Variants in QPCT observed in about 807,000 individuals in gnomAD.
QPCT encodes the protein EC.
A neutral mutation model predicts 43.4 loss-of-function variants in QPCT; 44 were observed. The observed-to-expected ratio is 1.01, with a 90% CI of 0.80 to 1.30. The LOEUF (loss-of-function observed/expected upper bound fraction) is 1.30. QPCT is among the 50% of genes most tolerant of loss of function. The pLI, the probability that QPCT is intolerant of heterozygous loss-of-function variation, is 0.00. For synonymous variants in QPCT, 168 were observed against 168.4 expected, an observed-to-expected ratio of 1.00 and a Z score of 0.02; for missense variants, 526 against 436.5, an observed-to-expected ratio of 1.21 and a Z score of -1.83.
intron 4 of QPCT, chr2:37,368,540 G>C: frequency 2.1e-6 from 1 of 469,120 alleles, no homozygotes; most frequent in Admixed American, 2.4e-5. Context: ...ACTGACCTTC[G>C]CCCTATAAAA....
chr2:37,370,817 C>T (rs541788021), intron 5 of QPCT, among the ~76,000 whole-genome samples: 3 of 152,160 alleles, frequency 2.0e-5, no homozygotes, highest in Admixed American at 6.5e-5. Context: ...CTACCCAAAA[C>T]AAAACAAAAC....
At chr2:37,347,449 G>T (rs768777262) in intron 1 of QPCT, among the ~76,000 whole-genome samples, 1 of 151,092 alleles carries the variant, frequency 6.6e-6, no homozygotes, top group Admixed American at 6.6e-5. Context: ...TGATGTACCC[G>T]GAACAGTGCC....
chr2:37,368,676 T>C (rs760271134), intron 4 of QPCT: 13 of 471,058 alleles, frequency 2.8e-5, no homozygotes, highest in Non-Finnish European at 5.3e-5. Context: ...ATATCATTCA[T>C]TCACTTGTGC....
intron 1 of QPCT, among the ~76,000 whole-genome samples, chr2:37,350,630 G>A (rs1672599850): frequency 6.6e-6 from 1 of 152,238 alleles, no homozygotes; most frequent in African/African-American, 2.4e-5. Context: ...CCAGACAGCG[G>A]ATCTTTTTGT....
At chr2:37,359,900 TAACAGTAACTCAGAGTGA>T in intron 3 of QPCT, 42 bp downstream of exon 3, 1 of 1,574,570 alleles carries the variant, frequency 6.4e-7, no homozygotes, top group Non-Finnish European at 8.7e-7. Context: ...TAAAGTACAT[TAACAGTAACTCAGAGTGA>T]ATTCTAGAAT....
chr2:37,365,864 C>T (rs1241010005), intron 3 of QPCT, among the ~76,000 whole-genome samples: 3 of 152,310 alleles, frequency 2.0e-5, no homozygotes, highest in South Asian at 2.1e-4. Context: ...ATACAAATGA[C>T]TTGCCAGTCA....
In QPCT at chr2:37,372,784, A is replaced by C; in HGVS notation, c.1043A>C (p.Asn348Thr). Residue 348 changes from asparagine (N) to threonine (T), a missense_variant, in exon 7 of 7, where the codon AAC becomes ACC. By Grantham distance (65) the Asn-to-Thr change is moderately conservative. Transcript: ENST00000338415. Reference protein sequence around the residue: ...NLDESTIDNLNKILQVFVLEY... With the variant: ...NLDESTIDNLTKILQVFVLEY... ...GATGAATCAACCATTGACAATCTAA[A>C]CAAAATCCTACAAGTCTTTGTGTTG... The C allele has an allele frequency of 6.2e-7, 1 of 1,612,838 alleles. No homozygotes were observed. The highest frequency in any genetic ancestry group is 8.5e-7 in the Non-Finnish European group (1 of 1,179,006).
At position 37,367,251 on chromosome 2, in the gene QPCT, C is replaced by G; in HGVS notation, c.566C>G (p.Pro189Arg). 1 of 1,613,646 alleles carries G rather than the reference C, an allele frequency of 6.2e-7. No homozygotes were observed. ...LSLKTVSDSK[P>R]DLSLQLIFFD... The stretch of plus-strand genomic sequence containing the variant: ...TACCAGACTGTTTCAGACTCCAAGC[C>G]AGATTTGTCACTCCAGCTGATCTTC... Residue 189 changes from proline to arginine, a missense_variant, in exon 4 of 7, where the codon CCA becomes CGA. By Grantham distance (103) the Pro-to-Arg change is moderately radical (BLOSUM62 -2). Coordinates refer to ENST00000338415, the MANE Select transcript of QPCT (RefSeq NM_012413.4).
At chr2:37,367,618 T>C (rs1672987654) in intron 4 of QPCT, among the ~76,000 whole-genome samples, 1 of 152,156 alleles carries the variant, frequency 6.6e-6, no homozygotes, top group Admixed American at 6.5e-5. Context: ...ATACCTGTAA[T>C]CCCAGCATTT....
intron 2 of QPCT, among the ~76,000 whole-genome samples, chr2:37,355,069 C>G (rs1338661876): frequency 6.6e-6 from 1 of 152,172 alleles, no homozygotes; most frequent in Non-Finnish European, 1.5e-5. Context: ...ACATTCTCCA[C>G]TATCATATGG....
At chr2:37,357,888 A>C (rs1189565891) in intron 2 of QPCT, among the ~76,000 whole-genome samples, 1 of 152,132 alleles carries the variant, frequency 6.6e-6, no homozygotes, top group Admixed American at 6.5e-5. Context: ...AGGAGGAAAA[A>C]AAAAATAAAA....
At position 37,347,144 on chromosome 2, in the gene QPCT, T is replaced by TTTTATATATA. The variant is rs1389307350; in HGVS notation, c.120+2294_120+2295insTTATATATAT. Among the ~76,000 whole-genome samples the TTTTATATATA allele has an allele frequency of 4.0e-4, 22 of 55,312 alleles. 2 individuals are homozygous for TTTTATATATA. The East Asian group carries it at 0.012, about 30-fold the overall frequency. The allele number at this position is 55,312 out of a possible 152,430, so 36.3% of individuals were successfully genotyped here. A position where few individuals can be genotyped will look rare whatever the true frequency, so the allele number is the denominator to read the frequency against. On this transcript the variant is annotated intron_variant, in intron 1 of 6. Transcript: ENST00000338415. ...CATTGGCATCTGGGTATGGGGTGTTTTATATATATATATATATATAACATA... is the reference window on the plus strand; with the variant it reads ...CATTGGCATCTGGGTATGGGGTGTTTTTTATATATATATATATATATATATATATAACATA...
intron 2 of QPCT, among the ~76,000 whole-genome samples, chr2:37,356,108 G>C (rs1048868336): frequency 3.9e-5 from 6 of 152,142 alleles, no homozygotes; most frequent in African/African-American, 1.2e-4. Context: ...GTCTACTGAT[G>C]TCATTGTTTC....
At chr2:37,344,924 C>G in intron 1 of QPCT, 73 bp downstream of exon 1, 3 of 1,462,896 alleles carry the variant, frequency 2.1e-6, no homozygotes, top group Non-Finnish European at 1.8e-6. Flanking sequence ...CCGGGTCAGC[C>G]CTACCTAGGC....
chr2:37,347,654 T>A (rs953981494), intron 1 of QPCT, among the ~76,000 whole-genome samples: 3 of 152,166 alleles, frequency 2.0e-5, no homozygotes, highest in African/African-American at 7.2e-5. Context: ...TCATCATTAG[T>A]CTGGGTGCTA....
At chr2:37,362,042 C>T (rs938389166) in intron 3 of QPCT, among the ~76,000 whole-genome samples, 7 of 152,206 alleles carry the variant, frequency 4.6e-5, no homozygotes, top group African/African-American at 1.7e-4. Flanking sequence ...ATGTCCACAA[C>T]AGTTTATTGC....
intron 2 of QPCT, among the ~76,000 whole-genome samples, chr2:37,354,689 A>G (rs559454530): frequency 1.4e-3 from 213 of 152,310 alleles, no homozygotes; most frequent in African/African-American, 5.0e-3. Context: ...CTTTAACAAC[A>G]TTCCCTGGGC....
At chr2:37,359,936 G>A (rs1023688031) in intron 3 of QPCT, 78 bp downstream of exon 3, 34 of 1,399,194 alleles carry the variant, frequency 2.4e-5, no homozygotes, top group Non-Finnish European at 3.1e-5. Flanking sequence ...AATCCTTGGA[G>A]GAATGAGAAG....
In QPCT at chr2:37,367,409, G is replaced by A. The variant is rs745650021; in HGVS notation, c.723+1G>A. 35 of 1,612,662 alleles carry A rather than the reference G, an allele frequency of 2.2e-5. No homozygotes were observed. Among genetic ancestry groups the A allele is most frequent in the Non-Finnish European group, 2.5e-5 (30 of 1,179,558 alleles). Reference sequence around the variant, plus strand: ...AGGCACCAGCCAACTGCATGGCATGGTTAGTCTGGGCAATTTCCCTAGCAC... The same window carrying A: ...AGGCACCAGCCAACTGCATGGCATGATTAGTCTGGGCAATTTCCCTAGCAC... On this transcript the variant is annotated splice_donor_variant, in intron 4 of 6. Transcript: ENST00000338415. LOFTEE classifies it high-confidence loss of function.
Sources: gnomAD v4.1 joint callset for allele counts (sites outside exome capture counted in the v4.1 genomes callset) on GRCh38, gnomAD v4.1.1 for gene constraint, MANE v1.5 for transcripts, NCBI Gene and HGNC (gene_info 2026-07-23, HGNC 2026-07-21) for gene names.